ACYP2: variants seen among roughly 807,000 people sequenced by gnomAD.
ACYP2 encodes the protein acylphosphatase-2.
Under a neutral mutation model 11.2 loss-of-function variants are expected in ACYP2, and 12 were observed. The observed-to-expected ratio is 1.08, with a 90% CI of 0.69 to 1.74. The LOEUF is 1.74. Among genes scored for constraint, ACYP2 ranks in the 40% most tolerant of loss-of-function variants. The pLI, the probability that ACYP2 is intolerant of heterozygous loss-of-function variation, is 0.00. For missense variants in ACYP2, 134 were observed against 101.9 expected, an observed-to-expected ratio of 1.31 and a Z score of -1.35; for synonymous variants, 43 against 32.2, an observed-to-expected ratio of 1.33 and a Z score of -1.13.
intron 6 of ACYP2, among the ~76,000 whole-genome samples, chr2:54,216,119 T>C (rs562096712): frequency 6.6e-4 from 100 of 152,368 alleles, no homozygotes; most frequent in African/African-American, 2.4e-3. Flanking sequence ...TAAAAAACTT[T>C]GTTAAATAAT....
intron 6 of ACYP2, among the ~76,000 whole-genome samples, chr2:54,201,226 T>C (rs1189818288): frequency 2.0e-5 from 3 of 151,886 alleles, no homozygotes; most frequent in Admixed American, 2.0e-4. Flanking sequence ...CTGCCTCAGC[T>C]TCCCGAGTAG....
intron 2 of ACYP2, among the ~76,000 whole-genome samples, chr2:53,995,998 G>T (rs1244349664): frequency 6.6e-6 from 1 of 152,024 alleles, no homozygotes; most frequent in African/African-American, 2.4e-5. Flanking sequence ...GCTGGGCTTG[G>T]TGGTGGATGT....
intron 6 of ACYP2, among the ~76,000 whole-genome samples, chr2:54,180,653 C>G (rs11125525): frequency 0.22 from 33,207 of 151,952 alleles, 3,921 homozygotes; most frequent in East Asian, 0.41. Context: ...CTCCTGGGCT[C>G]AAACAATCCT....
At chr2:54,135,988 T>C (rs1177789131) in intron 5 of ACYP2, among the ~76,000 whole-genome samples, 3 of 152,166 alleles carry the variant, frequency 2.0e-5, no homozygotes, top group African/African-American at 7.2e-5. Context: ...GCCTCCGCCT[T>C]CCAGGCTCAA....
At chr2:54,167,164 C>A (rs777958973) in intron 6 of ACYP2, among the ~76,000 whole-genome samples, 10 of 152,172 alleles carry the variant, frequency 6.6e-5, no homozygotes, top group Admixed American at 1.3e-4. Flanking sequence ...TATCACCACT[C>A]ATTTCCTCAG....
At chr2:54,056,615 A>G (rs1676166314) in intron 3 of ACYP2, among the ~76,000 whole-genome samples, 1 of 152,212 alleles carries the variant, frequency 6.6e-6, no homozygotes, top group African/African-American at 2.4e-5. Flanking sequence ...ATTTTCAATC[A>G]TGACACATTC....
At chr2:54,077,680 G>A (rs1677418371) in intron 4 of ACYP2, among the ~76,000 whole-genome samples, 1 of 152,202 alleles carries the variant, frequency 6.6e-6, no homozygotes, top group Admixed American at 6.5e-5. Context: ...CCTTCAAGGA[G>A]GCTAGAAAGT....
intron 2 of ACYP2, among the ~76,000 whole-genome samples, chr2:54,039,683 T>C (rs1202947444): frequency 6.6e-6 from 1 of 152,046 alleles, no homozygotes; most frequent in African/African-American, 2.4e-5. Context: ...CTCCCAAAGC[T>C]CTGGGATTAC....
chr2:53,996,389 A>G (rs1672576091), intron 2 of ACYP2, among the ~76,000 whole-genome samples: 1 of 152,176 alleles, frequency 6.6e-6, no homozygotes, highest in Non-Finnish European at 1.5e-5. Flanking sequence ...AAGCCTTCAG[A>G]TCTGGATGCT....
chr2:54,027,216 G>C (rs552135152), intron 2 of ACYP2, among the ~76,000 whole-genome samples: 21 of 152,268 alleles, frequency 1.4e-4, no homozygotes, highest in Admixed American at 8.5e-4. Flanking sequence ...GGGTCTCTTT[G>C]ACCTTCTCTT....
At chr2:54,204,458 T>C (rs1465149185) in intron 6 of ACYP2, among the ~76,000 whole-genome samples, 1 of 152,156 alleles carries the variant, frequency 6.6e-6, no homozygotes, top group Non-Finnish European at 1.5e-5. Flanking sequence ...CACAAGATTC[T>C]TGGAATGCAG....
At chr2:54,063,558 A>G (rs545152463) in intron 4 of ACYP2, among the ~76,000 whole-genome samples, 1 of 152,258 alleles carries the variant, frequency 6.6e-6, no homozygotes, top group South Asian at 2.1e-4. Context: ...GAAATCAGGC[A>G]ATTTACTCCC....
intron 4 of ACYP2, among the ~76,000 whole-genome samples, chr2:54,060,700 A>G (rs1676425016): frequency 6.6e-6 from 1 of 152,224 alleles, no homozygotes; most frequent in African/African-American, 2.4e-5. Flanking sequence ...ATGTGTAGTC[A>G]TAAGGCATGA....
At chr2:54,246,266 G>C (rs843646) in intron 6 of ACYP2, among the ~76,000 whole-genome samples, 72,142 of 151,628 alleles carry the variant, frequency 0.48, 18,138 homozygotes, top group African/African-American at 0.65. Flanking sequence ...ATTCTCCCCC[G>C]ACCCCTACCC....
At chr2:54,009,758 C>G (rs1028175109) in intron 2 of ACYP2, among the ~76,000 whole-genome samples, 5 of 152,038 alleles carry the variant, frequency 3.3e-5, no homozygotes, top group African/African-American at 9.7e-5. Flanking sequence ...AACCAGGCTA[C>G]AAGGAGGACA....
intron 2 of ACYP2, among the ~76,000 whole-genome samples, chr2:53,983,152 G>A (rs1451591689): frequency 6.6e-6 from 1 of 152,086 alleles, no homozygotes; most frequent in Non-Finnish European, 1.5e-5. Context: ...CAAATTCTTT[G>A]AGGAAGCAAC....
At chr2:54,124,404 C>G (rs1438203435) in intron 4 of ACYP2, among the ~76,000 whole-genome samples, 3 of 152,172 alleles carry the variant, frequency 2.0e-5, no homozygotes, top group African/African-American at 7.2e-5. Context: ...CCATGTTGGT[C>G]AGGCTGGTCT....
At chr2:54,135,421 C>G in intron 4 of ACYP2, 32 bp from the exon 2 acceptor site, 2 of 1,599,088 alleles carry the variant, frequency 1.3e-6, no homozygotes, top group Middle Eastern at 3.3e-4. Context: ...GGAGGACAAG[C>G]TGACAATTCT....
rs539535206 is a variant in ACYP2, at chr2:54,085,524, G to A, written c.277+28164G>A. On this transcript the variant is annotated intron_variant, in intron 4 of 6. Coordinates refer to ENST00000607452, the MANE Select transcript of ACYP2 (RefSeq NM_001320586.2). ...CATTTATCTCAGTGTCTAATACTAT[G>A]TGTTTTGGGCTTCAGAAGTTTGGTG... is the stretch of plus-strand genomic sequence containing the variant. Among the ~76,000 whole-genome samples, 4 of 152,186 alleles carry A rather than the reference G, an allele frequency of 2.6e-5. No homozygotes were observed. The East Asian group carries it at 7.7e-4, about 29-fold the overall frequency.
Sources: gnomAD v4.1 joint callset for allele counts (sites outside exome capture counted in the v4.1 genomes callset) on GRCh38, gnomAD v4.1.1 for gene constraint, MANE v1.5 for transcripts, NCBI Gene and HGNC (gene_info 2026-07-23, HGNC 2026-07-21) for gene names.